Variants in PDZRN4 observed in about 807,000 individuals in gnomAD.
The protein encoded by PDZRN4 is PDZ domain containing ring finger 4.
A neutral mutation model predicts 99.0 loss-of-function variants in PDZRN4; 70 were observed. The observed-to-expected ratio is 0.71, with a 90% confidence interval of 0.58 to 0.86. The LOEUF (loss-of-function observed/expected upper bound fraction) is 0.86, where lower values mean the gene tolerates loss of function less well. Among genes scored for constraint, PDZRN4 ranks in the 40% least tolerant of loss-of-function variants. PDZRN4 has a pLI of 0.00. For synonymous variants in PDZRN4, 551 were observed against 501.6 expected (o/e 1.10, Z -1.32); for missense variants, 1,474 against 1,331.2 (o/e 1.11, Z -1.67).
At chr12:41,435,704 C>T (rs185255884) in intron 3 of PDZRN4, among the ~76,000 whole-genome samples, 16 of 152,226 alleles carry the variant, frequency 1.1e-4, no homozygotes, top group South Asian at 4.2e-4. Context: ...AGAAGAATCG[C>T]TTGAACCTGG....
At chr12:41,278,261 T>C (rs1951362748) in intron 3 of PDZRN4, among the ~76,000 whole-genome samples, 1 of 152,212 alleles carries the variant, frequency 6.6e-6, no homozygotes, top group Non-Finnish European at 1.5e-5. Context: ...TCAGAAGTCA[T>C]GGAAGAAAAA....
In PDZRN4 at chr12:41,572,402, T is replaced by G. The variant is rs764960475; in HGVS notation, c.1623T>G (p.Thr541=). 7 of 1,614,016 alleles carry G rather than the reference T, an allele frequency of 4.3e-6. No individual in the cohort carries two copies. The South Asian group carries it at 7.7e-5, about 18-fold the overall frequency. ...KQEEEEGTTD[T]ATSSSNNHEK... is the part of the protein sequence containing the mutation. ...AAGAAGAAGAAGGCACAACAGACAC[T>G]GCAACATCCTCATCCAACAACCATG... Residue 541 remains threonine (T), a synonymous_variant, in exon 10 of 10, where the codon ACT becomes ACG. Coordinates refer to ENST00000402685, the MANE Select transcript of PDZRN4 (RefSeq NM_001164595.2).
chr12:41,274,499 G>T (rs888841104), intron 3 of PDZRN4, among the ~76,000 whole-genome samples: 1 of 152,042 alleles, frequency 6.6e-6, no homozygotes, highest in African/African-American at 2.4e-5. Flanking sequence ...TGAAAGTTCC[G>T]AATTAGAAAA....
intron 3 of PDZRN4, among the ~76,000 whole-genome samples, chr12:41,337,575 C>A (rs561147522): frequency 4.9e-4 from 74 of 152,234 alleles, no homozygotes; most frequent in South Asian, 1.9e-3. Context: ...AGCAATGGAG[C>A]TTGGTTCTTC....
chr12:41,426,792 T>G (rs988430069), intron 3 of PDZRN4, among the ~76,000 whole-genome samples: 1 of 152,208 alleles, frequency 6.6e-6, no homozygotes, highest in Non-Finnish European at 1.5e-5. Context: ...ATTCAAGAAT[T>G]TGTCTAGTTT....
intron 3 of PDZRN4, among the ~76,000 whole-genome samples, chr12:41,445,184 C>T (rs1409918637): frequency 9.2e-5 from 14 of 152,044 alleles, no homozygotes; most frequent in Non-Finnish European, 1.9e-4. Context: ...AGGCACGTTA[C>T]TAAAATCTTA....
At chr12:41,499,607 A>C (rs1938074972) in intron 3 of PDZRN4, among the ~76,000 whole-genome samples, 1 of 152,072 alleles carries the variant, frequency 6.6e-6, no homozygotes, top group Non-Finnish European at 1.5e-5. Context: ...AGACAAGGAA[A>C]AGATAATGAA....
At position 41,195,291 on chromosome 12, in the gene PDZRN4, G is replaced by T. The variant is rs184128198; in HGVS notation, c.843+1103G>T. Among the ~76,000 whole-genome samples, 11 of 152,194 alleles carry T rather than the reference G, an allele frequency of 7.2e-5. No individual in the cohort carries two copies. In the East Asian group the frequency reaches 1.7e-3, roughly 24 times the overall value. On this transcript the variant is annotated intron_variant, in intron 3 of 9. Transcript: ENST00000402685. ...GAAGCTATAAATAGGAATTTGGAAG[G>T]TTTACTTGACTCCACTATTGTTTTT...
chr12:41,421,889 TA>T lies in PDZRN4; in HGVS notation c.844-84563del, dbSNP rs376488544. ...CATATGTTTATAAGTAAACAATATATAAAATAGATCTCTTGACAAGCTAATA... is the reference window on the plus strand; with the variant it reads ...CATATGTTTATAAGTAAACAATATATAAATAGATCTCTTGACAAGCTAATA... On this transcript the variant is annotated intron_variant, in intron 3 of 9. Coordinates refer to ENST00000402685, the MANE Select transcript of PDZRN4 (RefSeq NM_001164595.2). 5.7e-4 allele frequency among the ~76,000 whole-genome samples: 87 copies of T among 152,300 alleles called. No individual in the cohort carries two copies. The South Asian group carries it at 0.012, about 22-fold the overall frequency.
Position 41,573,960 on chromosome 12 carries a change from CG to C in PDZRN4, c.*71del, listed in dbSNP as rs1218528419. ...CAGTTTCGGTAGAGTATGATTGCCT[CG>C]TTCAATGTGGCGTTTTTATATATAT... On this transcript the variant is annotated 3_prime_UTR_variant, in exon 10 of 10. Coordinates refer to ENST00000402685, the MANE Select transcript of PDZRN4 (RefSeq NM_001164595.2). 9.1e-7 allele frequency: 1 copy of C among 1,094,914 alleles called. No homozygotes were observed. Among genetic ancestry groups the C allele is most frequent in the Non-Finnish European group, 1.3e-6 (1 of 780,836 alleles). The allele number at this position is 1,094,914 out of a possible 1,614,324, so 67.8% of individuals were successfully genotyped here.
intron 3 of PDZRN4, among the ~76,000 whole-genome samples, chr12:41,389,756 G>C (rs1312158268): frequency 1.3e-5 from 2 of 152,182 alleles, no homozygotes; most frequent in Non-Finnish European, 2.9e-5. Context: ...TAACCCTCCA[G>C]CTCTCCTTTG....
At chr12:41,261,002 A>G (rs1219424471) in intron 3 of PDZRN4, among the ~76,000 whole-genome samples, 2 of 152,158 alleles carry the variant, frequency 1.3e-5, no homozygotes, top group Admixed American at 1.3e-4. Flanking sequence ...TTAGAAAAAA[A>G]CATGTTTCTA....
At chr12:41,371,930 T>C (rs1368620772) in intron 3 of PDZRN4, among the ~76,000 whole-genome samples, 3 of 152,124 alleles carry the variant, frequency 2.0e-5, no homozygotes, top group African/African-American at 7.2e-5. Flanking sequence ...CTGGCTTCAG[T>C]ACACTTTCCC....
intron 3 of PDZRN4, among the ~76,000 whole-genome samples, chr12:41,232,922 G>A (rs1951038324): frequency 6.6e-6 from 1 of 152,064 alleles, no homozygotes; most frequent in African/African-American, 2.4e-5. Context: ...TTATTAAATA[G>A]GCAATCCTTT....
At chr12:41,552,510 TG>T in intron 5 of PDZRN4, 145 bp from the exon 6 acceptor site, 1 of 480,124 alleles carries the variant, frequency 2.1e-6, no homozygotes, top group Non-Finnish European at 3.6e-6. Flanking sequence ...TGAATAATAT[TG>T]GTAAAAAAAA....
chr12:41,270,696 T>C (rs968211992), intron 3 of PDZRN4, among the ~76,000 whole-genome samples: 6 of 152,130 alleles, frequency 3.9e-5, no homozygotes, highest in African/African-American at 1.4e-4. Context: ...TTGATATTTT[T>C]ATATCCTAAC....
intron 3 of PDZRN4, among the ~76,000 whole-genome samples, chr12:41,402,127 ATATATATATATATACACACACTGAG>A (rs1565572950): frequency 1.1e-5 from 1 of 88,650 alleles, no homozygotes; most frequent in African/African-American, 6.8e-5. Flanking sequence ...ATATATATAT[ATATATATATATATACACACACTGAG>A]TATATATATA....
intron 3 of PDZRN4, among the ~76,000 whole-genome samples, chr12:41,482,676 C>T (rs752471653): frequency 5.3e-5 from 8 of 152,122 alleles, no homozygotes; most frequent in Admixed American, 2.6e-4. Context: ...GATTTAAGTC[C>T]GTTTTATAAG....
chr12:41,522,325 G>C (rs367664041), intron 5 of PDZRN4, among the ~76,000 whole-genome samples: 5 of 152,118 alleles, frequency 3.3e-5, no homozygotes, highest in East Asian at 3.9e-4. Context: ...GTCTCACTCA[G>C]ATAATTTGCA....
Sources: gnomAD v4.1 joint callset for allele counts (sites outside exome capture counted in the v4.1 genomes callset) on GRCh38, gnomAD v4.1.1 for gene constraint, MANE v1.5 for transcripts, NCBI Gene and HGNC (gene_info 2026-07-23, HGNC 2026-07-21) for gene names.